Variants in ZZEF1 observed in about 807,000 individuals in gnomAD.
ZZEF1 encodes zinc finger ZZ-type and EF-hand domain containing 1.
ZZEF1 carries 157 observed loss-of-function variants against 342.8 expected under a neutral mutation model. The observed-to-expected ratio is 0.46, with a 90% CI of 0.40 to 0.52. ZZEF1 has a LOEUF of 0.52. Ranked by LOEUF, ZZEF1 falls within the 20% of genes least tolerant of loss-of-function variation. ZZEF1 has a pLI of 0.00. For synonymous variants in ZZEF1, 1,505 were observed against 1,429.1 expected, an observed-to-expected ratio of 1.05 and a Z score of -1.20; for missense variants, 3,480 against 3,725.6, an observed-to-expected ratio of 0.93 and a Z score of 1.72.
intron 34 of ZZEF1, 102 bp from the exon 35 acceptor site, chr17:4,052,238 G>C (rs1157344569): frequency 9.3e-6 from 11 of 1,187,764 alleles, no homozygotes; most frequent in Non-Finnish European, 1.3e-5. Context: ...GTTCCCAAGT[G>C]ACTGCTCAGG....
At chr17:4,082,380 A>T in intron 17 of ZZEF1, 57 bp downstream of exon 17, 1 of 1,577,496 alleles carries the variant, frequency 6.3e-7, no homozygotes, top group Non-Finnish European at 8.7e-7. Context: ...CAAGCTCAAG[A>T]AAACAACTTT....
At chr17:4,134,217 G>A (rs1475168607) in intron 1 of ZZEF1, among the ~76,000 whole-genome samples, 2 of 151,416 alleles carry the variant, frequency 1.3e-5, no homozygotes, top group Admixed American at 6.6e-5. Flanking sequence ...TACCCAGGAG[G>A]CTGAGGTGGG....
chr17:4,048,536 A>G (rs1020515805), intron 37 of ZZEF1, among the ~76,000 whole-genome samples: 3 of 152,190 alleles, frequency 2.0e-5, no homozygotes, highest in Admixed American at 1.3e-4. Context: ...CCATAAAACA[A>G]TCTTTAGTGC....
intron 52 of ZZEF1, among the ~76,000 whole-genome samples, chr17:4,010,724 CAAA>C (rs58349682): frequency 1.2e-5 from 1 of 85,268 alleles, no homozygotes; most frequent in African/African-American, 5.3e-5. Context: ...GATTCCGTCT[CAAA>C]AAAAAAAAGA....
At chr17:4,018,300 G>A (rs969965018) in intron 46 of ZZEF1, among the ~76,000 whole-genome samples, 6 of 151,670 alleles carry the variant, frequency 4.0e-5, no homozygotes, top group South Asian at 2.1e-4. Flanking sequence ...TAGAGATGAC[G>A]TGTTGGAGCT....
intron 18 of ZZEF1, among the ~76,000 whole-genome samples, chr17:4,079,262 C>T (rs537741509): frequency 2.6e-5 from 4 of 152,192 alleles, no homozygotes; most frequent in Non-Finnish European, 5.9e-5. Context: ...CTATGAGAAC[C>T]AGGTGAGAAC....
rs2056101553 is a variant in ZZEF1, at chr17:4,016,389, C to T, written c.8079G>A (p.Glu2693=). ...TMALAACQFM[E]EPGMEVQVRE... is the part of the protein sequence containing the mutation. ...TCACTTGCACCTCCATTCCTGGCTC[C>T]TCCATGAACTGGCATGCAGCCAGGG... The change falls in exon 49 of 55, where the codon GAG becomes GAA. Residue 2693 remains glutamate, a synonymous_variant. Transcript: ENST00000381638. The surrounding 1 kb of genome is among the most constrained non-coding windows in gnomAD (Gnocchi z 4.4). 6.2e-7 allele frequency: 1 copy of T among 1,614,218 alleles called. No homozygotes were observed. Among genetic ancestry groups the T allele is most frequent in the African/African-American group, 1.3e-5 (1 of 75,068 alleles).
chr17:4,065,167 G>A (rs2057368696), intron 28 of ZZEF1, among the ~76,000 whole-genome samples: 1 of 152,152 alleles, frequency 6.6e-6, no homozygotes, highest in Non-Finnish European at 1.5e-5. Context: ...ACTTTGGGAG[G>A]CCAAGGCAGG....
intron 1 of ZZEF1, among the ~76,000 whole-genome samples, chr17:4,135,401 G>A (rs1489800227): frequency 3.3e-5 from 5 of 152,016 alleles, no homozygotes; most frequent in Non-Finnish European, 7.4e-5. Flanking sequence ...CCTTGAACCT[G>A]GGAGGCAAAG....
In ZZEF1 at chr17:4,052,118, C is replaced by T. The variant is rs757873596; in HGVS notation, c.5453G>A (p.Gly1818Asp). ...TCFLGGVKPE[G>D]HGDDHEMVNM... ...GACCATTTCATGGTCGTCTCCGTGG[C>T]CCTCAGGCTTCACCCCACCTGAGGA... Residue 1818 changes from glycine (G) to aspartate (D), a missense_variant, in exon 35 of 55, where the codon GGC (glycine) becomes GAC (aspartate). Gly to Asp is a moderately conservative substitution (Grantham distance 94). Transcript: ENST00000381638. 1 of 1,613,156 alleles carries T rather than the reference C, an allele frequency of 6.2e-7. No homozygotes were observed. Among genetic ancestry groups the T allele is most frequent in the South Asian group, 1.1e-5 (1 of 90,962 alleles).
At chr17:4,053,432 C>T (rs1482296432) in intron 34 of ZZEF1, among the ~76,000 whole-genome samples, 1 of 152,226 alleles carries the variant, frequency 6.6e-6, no homozygotes, top group African/African-American at 2.4e-5. Flanking sequence ...ATTCTCATTC[C>T]ACCTCCTTCA....
At chr17:4,117,930 C>T (rs1325524519) in intron 2 of ZZEF1, among the ~76,000 whole-genome samples, 1 of 152,092 alleles carries the variant, frequency 6.6e-6, no homozygotes, top group Non-Finnish European at 1.5e-5. Context: ...CATTTTACAA[C>T]CAATAAGGTG....
Position 4,017,783 on chromosome 17 carries a change from ATGGGGTGGGGGATGGGG to A in ZZEF1, c.7641+36_7641+52del. On this transcript the variant is annotated intron_variant, in intron 47 of 54. Coordinates refer to ENST00000381638, the MANE Select transcript of ZZEF1 (RefSeq NM_015113.4). The surrounding 1 kb of genome is among the most constrained non-coding windows in gnomAD (Gnocchi z 5.1). The stretch of plus-strand genomic sequence containing the variant: ...GGTCTAGCCTTCTTACAGTGGTGGT[ATGGGGTGGGGGATGGGG>A]TGCAGATACTTTGGGTCCGAGGTCG... 6.2e-7 allele frequency: 1 copy of A among 1,613,576 alleles called. No homozygotes were observed.
At chr17:4,045,145 C>A (rs1266430978) in intron 37 of ZZEF1, among the ~76,000 whole-genome samples, 3 of 150,654 alleles carry the variant, frequency 2.0e-5, no homozygotes, top group Admixed American at 6.6e-5. Context: ...CAGAGCAAGA[C>A]TCTGTCTCAA....
chr17:4,048,035 A>G (rs1384827393), intron 37 of ZZEF1, among the ~76,000 whole-genome samples: 1 of 152,214 alleles, frequency 6.6e-6, no homozygotes, highest in African/African-American at 2.4e-5. Flanking sequence ...AAATAAAAGG[A>G]TAAACGGGGA....
At chr17:4,019,891 A>T (rs527265729) in intron 45 of ZZEF1, 122 bp from the exon 46 acceptor site, 40 of 652,550 alleles carry the variant, frequency 6.1e-5, no homozygotes, top group Middle Eastern at 5.9e-4. Flanking sequence ...TAATTGAGGA[A>T]CATTATATGG....
chr17:4,111,462 A>G (rs902659422), intron 5 of ZZEF1, among the ~76,000 whole-genome samples: 5 of 152,120 alleles, frequency 3.3e-5, no homozygotes, highest in Admixed American at 1.3e-4. Context: ...GTTCGAGACC[A>G]GTCTGTCCAA....
In ZZEF1 at chr17:4,142,863, G is replaced by A. The variant is rs1339483591; in HGVS notation, c.33C>T (p.Asp11=). MGNAPSHSSE[D]EAAAAGGEGW... Reference sequence around the variant, plus strand: ...CCTCGCCACCGGCAGCTGCCGCTTCGTCTTCACTGCTGTGACTCGGAGCGT... The same window carrying A: ...CCTCGCCACCGGCAGCTGCCGCTTCATCTTCACTGCTGTGACTCGGAGCGT... The change falls in exon 1 of 55, where the codon GAC becomes GAT. Residue 11 remains aspartate (D), a synonymous_variant. Coordinates refer to ENST00000381638, the MANE Select transcript of ZZEF1 (RefSeq NM_015113.4). 22 of 1,392,962 alleles carry A rather than the reference G, an allele frequency of 1.6e-5. No homozygotes were observed. Among genetic ancestry groups the A allele is most frequent in the Admixed American group, 3.6e-5 (1 of 27,584 alleles). 86.3% of individuals were successfully genotyped at this position (1,392,962 alleles called of 1,614,324 possible).
At chr17:4,040,139 T>A (rs2056772896) in intron 39 of ZZEF1, among the ~76,000 whole-genome samples, 1 of 152,200 alleles carries the variant, frequency 6.6e-6, no homozygotes, top group African/African-American at 2.4e-5. Context: ...TGCAGCAATG[T>A]CACAGGGGTC....
Sources: allele counts gnomAD v4.1 joint callset (sites outside exome capture counted in the v4.1 genomes callset), GRCh38; gene constraint gnomAD v4.1.1; non-coding constraint Gnocchi (gnomAD v3.1); transcripts MANE v1.5; gene names NCBI Gene and HGNC (gene_info 2026-07-23, HGNC 2026-07-21).